Variants in PDE6A observed in about 807,000 individuals in gnomAD.
The protein encoded by PDE6A is rod cGMP-specific 3',5'-cyclic phosphodiesterase subunit alpha.
In PDE6A, 84 loss-of-function variants were observed where a neutral mutation model predicts 106.3. The ratio of observed to expected loss-of-function variants is 0.79; its 90% confidence interval spans 0.66 to 0.95. PDE6A has a LOEUF of 0.95. PDE6A is among the 40% of genes least tolerant of loss of function. The pLI is 0.00. For synonymous variants in PDE6A, 394 were observed against 386.6 expected (o/e 1.02, Z -0.23); for missense variants, 1,052 against 1,084.9 (o/e 0.97, Z 0.43).
intron 6 of PDE6A, among the ~76,000 whole-genome samples, chr5:149,912,956 CATTTA>C (rs1370528984): frequency 6.6e-6 from 1 of 151,674 alleles, no homozygotes; most frequent in East Asian, 1.9e-4. Flanking sequence ...GACCTGTGAC[CATTTA>C]AGAGACAGAT....
intron 1 of PDE6A, among the ~76,000 whole-genome samples, chr5:149,938,865 A>G (rs955689371): frequency 2.6e-5 from 4 of 152,256 alleles, no homozygotes; most frequent in Admixed American, 1.3e-4. Flanking sequence ...TTACAGCCCA[A>G]AAGAACTACC....
chr5:149,908,248 A>G (rs1013238488), intron 6 of PDE6A, among the ~76,000 whole-genome samples: 17 of 152,200 alleles, frequency 1.1e-4, no homozygotes, highest in African/African-American at 3.9e-4. Flanking sequence ...GACATCCCCC[A>G]TCCCTTCACT....
chr5:149,899,314 A>T (rs1752876175), intron 9 of PDE6A, 61 bp downstream of exon 9: 1 of 1,575,360 alleles, frequency 6.3e-7, no homozygotes, highest in African/African-American at 1.3e-5. Flanking sequence ...AGTGACACCC[A>T]GCCTCCCCCA....
In PDE6A at chr5:149,921,720, G is replaced by A; in HGVS notation, c.859-11C>T. On this transcript the variant is annotated splice_polypyrimidine_tract_variant and intron_variant, in intron 4 of 21. Transcript: ENST00000255266. ...CACATCAAAAAATTCCTAGGAATGAGAAAAACAATAATTACATGTTTTGAA... is the reference window on the plus strand; with the variant it reads ...CACATCAAAAAATTCCTAGGAATGAAAAAAACAATAATTACATGTTTTGAA... 6.2e-7 allele frequency: 1 copy of A among 1,607,332 alleles called. No individual in the cohort carries two copies. Among genetic ancestry groups the A allele is most frequent in the Non-Finnish European group, 8.5e-7 (1 of 1,173,966 alleles).
chr5:149,943,619 C>A (rs1754377475), intron 1 of PDE6A, among the ~76,000 whole-genome samples: 1 of 152,228 alleles, frequency 6.6e-6, no homozygotes, highest in South Asian at 2.1e-4. Flanking sequence ...CTACTCCCAG[C>A]AGATAATGGT....
intron 16 of PDE6A, among the ~76,000 whole-genome samples, chr5:149,884,239 G>GATT (rs1483726876): frequency 7.3e-6 from 1 of 137,578 alleles, no homozygotes; most frequent in East Asian, 2.0e-4. Context: ...TATATGTGTA[G>GATT]ATATATGTGT....
Position 149,884,569 on chromosome 5 carries a change from A to T in PDE6A, c.1937T>A (p.Ile646Asn). ...KTLLRDESLNIFQNLNRRQHE... is the reference protein window; with the variant it reads ...KTLLRDESLNNFQNLNRRQHE... The stretch of plus-strand genomic sequence containing the variant: ...CTGTCGACGATTGAGGTTTTGAAAG[A>T]TATTCAGGCTCTAAAGAAAAAAAGA... Residue 646 changes from isoleucine to asparagine, a missense_variant, in exon 16 of 22, where the codon ATC becomes AAC. Ile to Asn is a moderately radical substitution (Grantham distance 149). Transcript: ENST00000255266. The T allele has an allele frequency of 6.2e-7, 1 of 1,613,286 alleles. No individual in the cohort carries two copies. Among genetic ancestry groups the T allele is most frequent in the South Asian group, 1.1e-5 (1 of 91,074 alleles).
At chr5:149,922,126 T>A (rs1278833639) in intron 4 of PDE6A, among the ~76,000 whole-genome samples, 1 of 152,102 alleles carries the variant, frequency 6.6e-6, no homozygotes, top group Non-Finnish European at 1.5e-5. Context: ...AAGAAAGGAC[T>A]TATTAAATCA....
At chr5:149,931,776 G>T (rs1363608482) in intron 3 of PDE6A, among the ~76,000 whole-genome samples, 1 of 152,128 alleles carries the variant, frequency 6.6e-6, no homozygotes, top group East Asian at 1.9e-4. Flanking sequence ...TCAGTTGTGT[G>T]GACCGATGAG....
At position 149,944,686 on chromosome 5, in the gene PDE6A, C is replaced by T. The variant is rs932320955; in HGVS notation, c.-13G>A. On this transcript the variant is annotated 5_prime_UTR_variant, in exon 1 of 22. Transcript: ENST00000255266. Reference sequence around the variant, plus strand: ...TCACCTCGCCCATGGCTGGGAATCCCACTGGCTACTCTGTAGAAGGACTGG... The same window carrying T: ...TCACCTCGCCCATGGCTGGGAATCCTACTGGCTACTCTGTAGAAGGACTGG... The T allele has an allele frequency of 1.9e-6, 3 of 1,592,428 alleles. No individual in the cohort carries two copies. The highest frequency in any genetic ancestry group is 2.7e-5 in the African/African-American group (2 of 74,570).
At position 149,858,243 on chromosome 5, in the gene PDE6A, A is replaced by C. The variant is rs557379826; in HGVS notation, c.*2652T>G. 36 of 152,282 alleles carry C rather than the reference A, an allele frequency of 2.4e-4. No individual in the cohort carries two copies. Among genetic ancestry groups the C allele is most frequent in the African/African-American group, 6.5e-4 (27 of 41,554 alleles). 9.4% of individuals were successfully genotyped at this position (152,282 alleles called of 1,614,324 possible). A position where few individuals can be genotyped will look rare whatever the true frequency, so the allele number is the denominator to read the frequency against. ...TAAATATGTATACTTTTTATTTGCT[A>C]ATTATACCTCCATAAAGCTGGTGGT... On this transcript the variant is annotated 3_prime_UTR_variant, in exon 22 of 22. Transcript: ENST00000255266.
chr5:149,923,510 TAACATAACATAAC>T lies in PDE6A; in HGVS notation c.859-1814_859-1802del, dbSNP rs1753783437. Among the ~76,000 whole-genome samples the T allele has an allele frequency of 3.9e-3, 6 of 1,534 alleles. 1 individual carries two copies. The South Asian group carries it at 0.15, about 38-fold the overall frequency. 1.0% of individuals were successfully genotyped at this position (1,534 alleles called of 152,430 possible). ...GAGACTCTGTCTCAAATAAATAACA[TAACATAACATAAC>T]ATAACATAACATAACATAACATAAC... On this transcript the variant is annotated intron_variant, in intron 4 of 21. Coordinates refer to ENST00000255266, the MANE Select transcript of PDE6A (RefSeq NM_000440.3).
At chr5:149,929,335 C>G (rs949879770) in intron 4 of PDE6A, among the ~76,000 whole-genome samples, 4 of 152,046 alleles carry the variant, frequency 2.6e-5, no homozygotes, top group Non-Finnish European at 4.4e-5. Flanking sequence ...CAAAAGAAGT[C>G]AAACACCACG....
chr5:149,936,688 G>C (rs1214070396), intron 1 of PDE6A, among the ~76,000 whole-genome samples: 1 of 152,146 alleles, frequency 6.6e-6, no homozygotes, highest in Non-Finnish European at 1.5e-5. Context: ...AGCATATAAA[G>C]TGTTCTAAAC....
chr5:149,934,787 C>G (rs1441485190), intron 1 of PDE6A, 69 bp from the exon 2 acceptor site: 12 of 1,509,872 alleles, frequency 7.9e-6, no homozygotes, highest in Non-Finnish European at 1.1e-5. Context: ...GCCCAAAGCC[C>G]CTGTTGACAA....
chr5:149,895,053 C>A, intron 13 of PDE6A, 130 bp downstream of exon 13: 2 of 706,150 alleles, frequency 2.8e-6, no homozygotes, highest in Non-Finnish European at 5.2e-6. Context: ...GCCCGTACTG[C>A]TTTCACATAA....
chr5:149,903,166 A>C lies in PDE6A; in HGVS notation c.1113+482T>G, dbSNP rs1278708576. Among the ~76,000 whole-genome samples the C allele has an allele frequency of 2.0e-5, 3 of 150,058 alleles. No individual in the cohort carries two copies. In the East Asian group the frequency reaches 5.8e-4, roughly 29 times the overall value. On this transcript the variant is annotated intron_variant, in intron 8 of 21. Coordinates refer to ENST00000255266, the MANE Select transcript of PDE6A (RefSeq NM_000440.3). Reference sequence around the variant, plus strand: ...CCTCTCTAAAAAAAAAAAAAAAAAAAAACAAAAGAAAACAACAACAACGAC... The same window carrying C: ...CCTCTCTAAAAAAAAAAAAAAAAAACAACAAAAGAAAACAACAACAACGAC...
chr5:149,862,360 C>T (rs76183689), intron 21 of PDE6A, among the ~76,000 whole-genome samples: 3,305 of 152,280 alleles, frequency 0.022, 132 homozygotes, highest in African/African-American at 0.076. Flanking sequence ...ATGAGGATGT[C>T]ATATAAGATA....
At chr5:149,930,144 G>A (rs1753988857) in intron 4 of PDE6A, among the ~76,000 whole-genome samples, 1 of 152,170 alleles carries the variant, frequency 6.6e-6, no homozygotes, top group Non-Finnish European at 1.5e-5. Flanking sequence ...AGTAAAAAAT[G>A]GCAGACTATC....
Sources: allele counts gnomAD v4.1 joint callset (sites outside exome capture counted in the v4.1 genomes callset), GRCh38; gene constraint gnomAD v4.1.1; transcripts MANE v1.5; gene names NCBI Gene and HGNC (gene_info 2026-07-23, HGNC 2026-07-21).